Variants in SLC6A3 observed in about 807,000 individuals in gnomAD.
The protein encoded by SLC6A3 is solute carrier family 6 member 3, also known as sodium-dependent dopamine transporter.
Under a neutral mutation model 70.4 loss-of-function variants are expected in SLC6A3, and 19 were observed. That is an observed-to-expected ratio of 0.27 (90% CI 0.19 to 0.40). The LOEUF is 0.40. Among genes scored for constraint, SLC6A3 ranks in the 10% least tolerant of loss-of-function variants. The pLI, the probability that SLC6A3 is intolerant of heterozygous loss-of-function variation, is 1.00. For synonymous variants in SLC6A3, 368 were observed against 356.6 expected, an observed-to-expected ratio of 1.03 and a Z score of -0.36; for missense variants, 613 against 838.5, an observed-to-expected ratio of 0.73 and a Z score of 3.32.
chr5:1,413,839 G>A lies in SLC6A3; in HGVS notation c.1156+852C>T, dbSNP rs1246039919. On this transcript the variant is annotated intron_variant, in intron 8 of 14. Transcript: ENST00000270349. This position sits in a 1 kb window ranked among gnomAD's most constrained non-coding sequence, Gnocchi z 7.1. ...GCCACAGCTTTCCACTGCAAGCACC[G>A]GAGCCAGGCACGTGGCCCCAAGTGC... Among the ~76,000 whole-genome samples, 3 of 152,148 alleles carry A rather than the reference G, an allele frequency of 2.0e-5. No homozygotes were observed. Among genetic ancestry groups the A allele is most frequent in the Middle Eastern group, 3.2e-3 (1 of 316 alleles).
chr5:1,445,200 C>G (rs1270989155), intron 1 of SLC6A3, 148 bp downstream of exon 1: 2 of 152,330 alleles, frequency 1.3e-5, no homozygotes, highest in Non-Finnish European at 2.9e-5. Flanking sequence ...TCGGCACCCG[C>G]GACTGTTGGC....
Position 1,404,806 on chromosome 5 carries a change from A to G in SLC6A3, c.1599+1382T>C, listed in dbSNP as rs1166619472. On this transcript the variant is annotated intron_variant, in intron 12 of 14. Transcript: ENST00000270349. This position sits in a 1 kb window ranked among gnomAD's most constrained non-coding sequence, Gnocchi z 5.2. ...TTGGCAAAATGAAGTCCTGTTTCGT[A>G]TAGTTTGTAGTTTTATCTAAAAGTC... is the stretch of plus-strand genomic sequence containing the variant. 6.6e-6 allele frequency among the ~76,000 whole-genome samples: 1 copy of G among 152,260 alleles called. No homozygotes were observed. Among genetic ancestry groups the G allele is most frequent in the Admixed American group, 6.5e-5 (1 of 15,292 alleles).
At position 1,442,935 on chromosome 5, in the gene SLC6A3, T is replaced by C; in HGVS notation, c.263A>G (p.Tyr88Cys). ...ACCGCCACCATTTTTGTAGCACAGG[T>C]AGGGGAACCGCCAGACGTTGGCCAG... The part of the protein sequence containing the change: ...VDLANVWRFP[Y>C]LCYKNGGGAF... The change falls in exon 2 of 15, where the codon TAC becomes TGC. Residue 88 changes from tyrosine (Y) to cysteine (C), a missense_variant. Around this residue, in one of 4 missense-constraint regions of SLC6A3, gnomAD observed 153 missense variants for 249.4 expected, o/e 0.61. Transcript: ENST00000270349. This position sits in a 1 kb window ranked among gnomAD's most constrained non-coding sequence, Gnocchi z 5.0. 1 of 1,614,130 alleles carries C rather than the reference T, an allele frequency of 6.2e-7. No homozygotes were observed. Among genetic ancestry groups the C allele is most frequent in the Non-Finnish European group, 8.5e-7 (1 of 1,180,018 alleles).
intron 14 of SLC6A3, among the ~76,000 whole-genome samples, chr5:1,399,678 G>A (rs751174379): frequency 5.9e-5 from 9 of 152,156 alleles, no homozygotes; most frequent in Non-Finnish European, 1.2e-4. Flanking sequence ...TGGGATGCCT[G>A]GACACGCCTC....
At chr5:1,395,417 T>G (rs1181597606) in intron 14 of SLC6A3, among the ~76,000 whole-genome samples, 4 of 151,810 alleles carry the variant, frequency 2.6e-5, no homozygotes, top group Non-Finnish European at 5.9e-5. Context: ...TCATAAACAT[T>G]TCCAAACAGG....
intron 4 of SLC6A3, among the ~76,000 whole-genome samples, chr5:1,428,203 T>C (rs1009018031): frequency 2.0e-5 from 3 of 152,058 alleles, no homozygotes; most frequent in African/African-American, 7.2e-5. Flanking sequence ...CCTAGCAAAC[T>C]TCCAAATATT....
rs1217882554 is a variant in SLC6A3 at position 1,405,243 on chromosome 5, C to A, written c.1599+945G>T. 6.6e-6 allele frequency among the ~76,000 whole-genome samples: 1 copy of A among 152,234 alleles called. No homozygotes were observed. Among genetic ancestry groups the A allele is most frequent in the African/African-American group, 2.4e-5 (1 of 41,468 alleles). ...GCAGGTTCTCTCACACTATGTTGAG[C>A]TCCTCCGGGATAGGGCCTGTCTCTC... On this transcript the variant is annotated intron_variant, in intron 12 of 14. Transcript: ENST00000270349. The surrounding 1 kb of genome is among the most constrained non-coding windows in gnomAD (Gnocchi z 5.3).
chr5:1,432,589 G>A lies in SLC6A3; in HGVS notation c.528C>T (p.Pro176=). ...YLFSSFTTEL[P]WIHCNNSWNS... The stretch of plus-strand genomic sequence containing the variant: ...TCCAGGAGTTGTTGCAGTGGATCCA[G>A]GGGAGCTCCGTGGTGAAGGAGGAGA... The change falls in exon 4 of 15, where the codon CCC becomes CCT. Residue 176 remains proline, a synonymous_variant. Transcript: ENST00000270349. 4 of 1,614,192 alleles carry A rather than the reference G, an allele frequency of 2.5e-6. No individual in the cohort carries two copies. The highest frequency in any genetic ancestry group is 3.4e-6 in the Non-Finnish European group (4 of 1,179,996).
chr5:1,426,514 C>A (rs372202995), intron 4 of SLC6A3, among the ~76,000 whole-genome samples: 1 of 152,082 alleles, frequency 6.6e-6, no homozygotes, highest in Admixed American at 6.6e-5. Flanking sequence ...CACACTCCAG[C>A]CTGGACAACA....
chr5:1,436,517 G>A lies in SLC6A3; in HGVS notation c.419-3819C>T, dbSNP rs1756840082. Among the ~76,000 whole-genome samples the A allele has an allele frequency of 1.3e-5, 2 of 152,146 alleles. No homozygotes were observed. Among genetic ancestry groups the A allele is most frequent in the South Asian group, 4.1e-4 (2 of 4,832 alleles). On this transcript the variant is annotated intron_variant, in intron 3 of 14. Coordinates refer to ENST00000270349, the MANE Select transcript of SLC6A3 (RefSeq NM_001044.5). The surrounding 1 kb of genome is among the most constrained non-coding windows in gnomAD (Gnocchi z 5.2). The stretch of plus-strand genomic sequence containing the variant: ...TCCCAGGAAGCTCGGCGCTAAGTGT[G>A]AATTTCAAGCATAGCTTTTAAGGCC...
At chr5:1,407,567 C>T (rs537259170) in intron 11 of SLC6A3, among the ~76,000 whole-genome samples, 2 of 152,312 alleles carry the variant, frequency 1.3e-5, no homozygotes, top group South Asian at 2.1e-4. Context: ...ATGAGAGGGG[C>T]GTGGATTTCT....
chr5:1,397,129 G>T lies in SLC6A3; in HGVS notation c.1840-2371C>A, dbSNP rs1755739832. ...TGAGGTAAGAGACCTGGAGGACCTG[G>T]GGCAAAGTGGACACACCAGAGCCTC... On this transcript the variant is annotated intron_variant, in intron 14 of 14. Transcript: ENST00000270349. The surrounding 1 kb of genome is among the most constrained non-coding windows in gnomAD (Gnocchi z 4.7). Among the ~76,000 whole-genome samples, 1 of 152,196 alleles carries T rather than the reference G, an allele frequency of 6.6e-6. No homozygotes were observed. Among genetic ancestry groups the T allele is most frequent in the Non-Finnish European group, 1.5e-5 (1 of 68,030 alleles).
At chr5:1,415,475 A>T (rs1244128384) in intron 7 of SLC6A3, among the ~76,000 whole-genome samples, 1 of 152,194 alleles carries the variant, frequency 6.6e-6, no homozygotes, top group South Asian at 2.1e-4. Flanking sequence ...GCCCACTCTC[A>T]GTGAAGCCTG....
rs538927623 is a variant in SLC6A3 at position 1,415,518 on chromosome 5, A to G, written c.1031+580T>C. Among the ~76,000 whole-genome samples, 6 of 152,186 alleles carry G rather than the reference A, an allele frequency of 3.9e-5. No homozygotes were observed. In the East Asian group the frequency reaches 1.2e-3, roughly 29 times the overall value. On this transcript the variant is annotated intron_variant, in intron 7 of 14. Coordinates refer to ENST00000270349, the MANE Select transcript of SLC6A3 (RefSeq NM_001044.5). ...TCTGCCTGGCCATTCTGCTGCACAC[A>G]CTGTCCTTGTATTTTTACCGTGTTT...
intron 14 of SLC6A3, among the ~76,000 whole-genome samples, chr5:1,398,691 A>G (rs11564770): frequency 0.093 from 14,194 of 152,258 alleles, 815 homozygotes; most frequent in African/African-American, 0.16. Flanking sequence ...GGCAAACTCA[A>G]AAGACACCTT....
At chr5:1,414,916 G>A (rs1756246420) in intron 7 of SLC6A3, 101 bp from the exon 8 acceptor site, 2 of 1,443,236 alleles carry the variant, frequency 1.4e-6, no homozygotes, top group East Asian at 4.6e-5. Context: ...GAAGGGGGCG[G>A]GAGGTCTTCG....
chr5:1,426,623 G>A (rs1340002884), intron 4 of SLC6A3, among the ~76,000 whole-genome samples: 2 of 152,164 alleles, frequency 1.3e-5, no homozygotes, highest in South Asian at 4.1e-4. Context: ...CCTTAAAAAG[G>A]AATGAAATTC....
In SLC6A3 at chr5:1,402,492, C is replaced by T. The variant is rs761543606; in HGVS notation, c.1767+430G>A. ...ACCGCCCTCAGATGGCTTCTGTGTC[C>T]ACCACACCACATACCATAGTGTGTA... On this transcript the variant is annotated intron_variant, in intron 13 of 14. Coordinates refer to ENST00000270349, the MANE Select transcript of SLC6A3 (RefSeq NM_001044.5). The surrounding 1 kb of genome is among the most constrained non-coding windows in gnomAD (Gnocchi z 8.5). Among the ~76,000 whole-genome samples, 7 of 152,066 alleles carry T rather than the reference C, an allele frequency of 4.6e-5. No individual in the cohort carries two copies. The highest frequency in any genetic ancestry group is 7.3e-5 in the Non-Finnish European group (5 of 68,034).
chr5:1,420,813 G>T, intron 5 of SLC6A3, 110 bp from the exon 6 acceptor site: 1 of 1,158,858 alleles, frequency 8.6e-7, no homozygotes, highest in Non-Finnish European at 1.3e-6. Context: ...TGATTGGGAG[G>T]CCCAATTCCC....
Sources: gnomAD v4.1 joint callset for allele counts (sites outside exome capture counted in the v4.1 genomes callset) on GRCh38, gnomAD v4.1.1 for gene constraint, gnomAD v4.1.1 regional missense constraint, Gnocchi (gnomAD v3.1) non-coding constraint, MANE v1.5 for transcripts, NCBI Gene and HGNC (gene_info 2026-07-23, HGNC 2026-07-21) for gene names.